Variants in CADPS observed in about 807,000 individuals in gnomAD.
The protein encoded by CADPS is calcium-dependent secretion activator 1.
Under a neutral mutation model 167.3 loss-of-function variants are expected in CADPS, and 57 were observed. That is an observed-to-expected ratio of 0.34 (90% CI 0.28 to 0.42). CADPS has a LOEUF of 0.42. Among genes scored for constraint, CADPS ranks in the 20% least tolerant of loss-of-function variants. The probability of loss-of-function intolerance (pLI) is 1.00; values close to 1 mark genes in which losing one functional copy is unlikely to be tolerated. For missense variants in CADPS, 1,414 were observed against 1,738.1 expected, an observed-to-expected ratio of 0.81 and a Z score of 3.32; for synonymous variants, 676 against 635.3, an observed-to-expected ratio of 1.06 and a Z score of -0.96.
At chr3:62,853,708 C>T (rs903007106) in intron 1 of CADPS, among the ~76,000 whole-genome samples, 5 of 151,778 alleles carry the variant, frequency 3.3e-5, no homozygotes, top group Admixed American at 2.0e-4. Context: ...CGCCTATAAT[C>T]CCAGCCCTTT....
At chr3:62,567,018 T>C (rs1258679661) in intron 9 of CADPS, among the ~76,000 whole-genome samples, 3 of 152,220 alleles carry the variant, frequency 2.0e-5, no homozygotes, top group African/African-American at 4.8e-5. Flanking sequence ...GTGACTTTCA[T>C]CTTCTCTTAT....
chr3:62,712,294 A>G (rs1308526705), intron 3 of CADPS, among the ~76,000 whole-genome samples: 2 of 152,228 alleles, frequency 1.3e-5, no homozygotes, highest in Non-Finnish European at 2.9e-5. Flanking sequence ...CTCCAGAAAG[A>G]CTGCCTGTTT....
At chr3:62,641,523 TCC>T (rs2067413928) in intron 6 of CADPS, among the ~76,000 whole-genome samples, 1 of 152,116 alleles carries the variant, frequency 6.6e-6, no homozygotes, top group African/African-American at 2.4e-5. Flanking sequence ...TGCTTTGGAA[TCC>T]CCAAAGCATT....
At position 62,522,751 on chromosome 3, in the gene CADPS, G is replaced by A. The variant is rs554117073; in HGVS notation, c.2292-4501C>T. On this transcript the variant is annotated intron_variant, in intron 13 of 29. Transcript: ENST00000383710. ...TACACACATGAGCACATACACATGC[G>A]AACATAGCCCCTGGTCTCTGGTTCC... Among the ~76,000 whole-genome samples the A allele has an allele frequency of 4.6e-5, 7 of 152,196 alleles. 1 individual carries two copies. The South Asian group carries it at 1.2e-3, about 27-fold the overall frequency.
intron 13 of CADPS, among the ~76,000 whole-genome samples, chr3:62,523,013 T>G (rs935173180): frequency 2.0e-5 from 3 of 152,118 alleles, no homozygotes; most frequent in Non-Finnish European, 4.4e-5. Context: ...CAAACCATTT[T>G]CTCACTGTCC....
chr3:62,530,214 T>C (rs2073338521), intron 13 of CADPS, among the ~76,000 whole-genome samples: 1 of 152,208 alleles, frequency 6.6e-6, no homozygotes, highest in Admixed American at 6.5e-5. Context: ...CTAATAGGTA[T>C]TTGCTGAAAA....
chr3:62,539,569 G>T (rs190698773), intron 11 of CADPS, among the ~76,000 whole-genome samples: 1 of 151,834 alleles, frequency 6.6e-6, no homozygotes, highest in African/African-American at 2.4e-5. Flanking sequence ...GCTGTTTCAA[G>T]GTGCTAATGA....
intron 16 of CADPS, 112 bp downstream of exon 16, chr3:62,515,947 A>T: frequency 1.5e-6 from 2 of 1,304,870 alleles, no homozygotes; most frequent in Non-Finnish European, 1.1e-6. Context: ...GTTTCAGCTT[A>T]ATATACTCAG....
intron 28 of CADPS, among the ~76,000 whole-genome samples, chr3:62,428,261 C>A (rs1360656896): frequency 8.9e-6 from 1 of 112,058 alleles, no homozygotes; most frequent in Non-Finnish European, 1.7e-5. Flanking sequence ...TTTGGACACA[C>A]AAAAATAACT....
At chr3:62,829,767 C>A (rs2074729519) in intron 1 of CADPS, among the ~76,000 whole-genome samples, 1 of 152,178 alleles carries the variant, frequency 6.6e-6, no homozygotes, top group Non-Finnish European at 1.5e-5. Flanking sequence ...AATGAATACT[C>A]ATTTCTGACA....
intron 1 of CADPS, among the ~76,000 whole-genome samples, chr3:62,772,925 T>C (rs2089289842): frequency 6.6e-6 from 1 of 152,318 alleles, no homozygotes; most frequent in East Asian, 1.9e-4. Context: ...CCTTTTCTAC[T>C]TAAAGTATAA....
chr3:62,827,145 C>T (rs893680664), intron 1 of CADPS, among the ~76,000 whole-genome samples: 17 of 152,048 alleles, frequency 1.1e-4, no homozygotes, highest in Non-Finnish European at 1.8e-4. Context: ...TTCTTGATTC[C>T]CCCCACCCAG....
At chr3:62,534,936 A>G (rs944525363) in intron 12 of CADPS, among the ~76,000 whole-genome samples, 2 of 152,138 alleles carry the variant, frequency 1.3e-5, no homozygotes, top group African/African-American at 4.8e-5. Context: ...TTAATATTTC[A>G]TTTCTGGTTT....
intron 6 of CADPS, among the ~76,000 whole-genome samples, chr3:62,623,375 C>T (rs2063480488): frequency 6.6e-6 from 1 of 152,126 alleles, no homozygotes; most frequent in Non-Finnish European, 1.5e-5. Flanking sequence ...GAATGGAAAG[C>T]TCCACTGGAT....
At chr3:62,481,637 A>T in intron 22 of CADPS, 86 bp downstream of exon 22, 2 of 1,217,372 alleles carry the variant, frequency 1.6e-6, no homozygotes, top group South Asian at 3.2e-5. Context: ...CATCTCTGTT[A>T]TATAGGATGT....
At chr3:62,638,978 T>G (rs2066875373) in intron 6 of CADPS, among the ~76,000 whole-genome samples, 1 of 152,152 alleles carries the variant, frequency 6.6e-6, no homozygotes, top group African/African-American at 2.4e-5. Flanking sequence ...ACTTGTTCCC[T>G]AGCACCTTGC....
intron 3 of CADPS, among the ~76,000 whole-genome samples, chr3:62,719,192 G>C (rs2075271617): frequency 6.6e-6 from 1 of 152,152 alleles, no homozygotes; most frequent in African/African-American, 2.4e-5. Flanking sequence ...TGCCTTTCTG[G>C]CACTGTCTTT....
intron 3 of CADPS, among the ~76,000 whole-genome samples, chr3:62,672,914 C>T (rs1273604842): frequency 1.3e-5 from 2 of 152,150 alleles, no homozygotes; most frequent in African/African-American, 4.8e-5. Context: ...TGCACCTGGC[C>T]CTCTGTCATC....
chr3:62,452,585 G>C (rs1276511066), intron 26 of CADPS, among the ~76,000 whole-genome samples: 1 of 152,166 alleles, frequency 6.6e-6, no homozygotes, highest in Admixed American at 6.5e-5. Flanking sequence ...TTAATTGGAG[G>C]AGGAAGCAGG....
Sources: gnomAD v4.1 joint callset for allele counts (sites outside exome capture counted in the v4.1 genomes callset) on GRCh38, gnomAD v4.1.1 for gene constraint, MANE v1.5 for transcripts, NCBI Gene and HGNC (gene_info 2026-07-23, HGNC 2026-07-21) for gene names.